Variants in RBFOX3 observed in about 807,000 individuals in gnomAD.
RBFOX3 encodes the protein RNA binding protein fox-1 homolog 3.
RBFOX3 carries 17 observed loss-of-function variants against 48.7 expected under a neutral mutation model. The observed-to-expected ratio is 0.35, with a 90% CI of 0.24 to 0.52. The LOEUF (loss-of-function observed/expected upper bound fraction) is 0.52, where lower values mean the gene tolerates loss of function less well. Among genes scored for constraint, RBFOX3 ranks in the 20% least tolerant of loss-of-function variants. The probability of loss-of-function intolerance (pLI) is 0.94; values close to 1 mark genes in which losing one functional copy is unlikely to be tolerated. For missense variants in RBFOX3, 382 were observed against 497.5 expected (o/e 0.77, Z 2.21); for synonymous variants, 212 against 209.5 (o/e 1.01, Z -0.10).
chr17:79,322,719 C>T (rs1186963565), intron 2 of RBFOX3, among the ~76,000 whole-genome samples: 1 of 152,144 alleles, frequency 6.6e-6, no homozygotes, highest in Non-Finnish European at 1.5e-5. Context: ...CTGGGAAGCC[C>T]CCTCTGGGCC....
chr17:79,094,520 T>C lies in RBFOX3; in HGVS notation c.1008A>G (p.Arg336=). The change falls in exon 14 of 15, where the codon AGA becomes AGG. Residue 336 remains arginine (R), a synonymous_variant. Transcript: ENST00000693108. ...GGTACGGGTCGGCAGCTGCGTAGACTCTGCCGTAACTAGGGAAGAGCGTGG... is the reference window on the plus strand; with the variant it reads ...GGTACGGGTCGGCAGCTGCGTAGACCCTGCCGTAACTAGGGAAGAGCGTGG... ...AAAAYSDSYG[R]VYAAADPYHH... 1 of 1,249,626 alleles carries C rather than the reference T, an allele frequency of 8.0e-7. No individual in the cohort carries two copies. Among genetic ancestry groups the C allele is most frequent in the Non-Finnish European group, 1.0e-6 (1 of 980,922 alleles). The allele number at this position is 1,249,626 out of a possible 1,614,324, so 77.4% of individuals were successfully genotyped here.
chr17:79,271,413 C>A (rs977771989), intron 3 of RBFOX3, among the ~76,000 whole-genome samples: 1 of 152,202 alleles, frequency 6.6e-6, no homozygotes, highest in Non-Finnish European at 1.5e-5. Context: ...GACAGCAGAG[C>A]ATTAAGCCAG....
At position 79,597,367 on chromosome 17, in the gene RBFOX3, T is replaced by C. The variant is rs1036009765; in HGVS notation, c.-320+13459A>G. 1.4e-3 allele frequency among the ~76,000 whole-genome samples: 213 copies of C among 152,288 alleles called. 2 individuals carry two copies. The highest frequency in any genetic ancestry group is 4.9e-3 in the African/African-American group (205 of 41,578). On this transcript the variant is annotated intron_variant, in intron 1 of 14. Coordinates refer to ENST00000693108, the MANE Select transcript of RBFOX3 (RefSeq NM_001350451.2). ...GATGGCAAGACAGACACAGTCCTCC[T>C]ACAGACTTGTAGAAGGGCTTTCTGC... is the stretch of plus-strand genomic sequence containing the variant.
At chr17:79,434,884 G>A (rs1897513077) in intron 2 of RBFOX3, among the ~76,000 whole-genome samples, 2 of 152,184 alleles carry the variant, frequency 1.3e-5, no homozygotes, top group South Asian at 2.1e-4. Context: ...GGACCCTGAA[G>A]AATGGGGTGA....
chr17:79,188,864 C>T (rs1023911654), intron 4 of RBFOX3, among the ~76,000 whole-genome samples: 1 of 152,230 alleles, frequency 6.6e-6, no homozygotes, highest in Non-Finnish European at 1.5e-5. Context: ...CTGGAAAGCT[C>T]GTTGCAAGCT....
chr17:79,545,523 G>A (rs1418852714), intron 1 of RBFOX3, among the ~76,000 whole-genome samples: 1 of 152,188 alleles, frequency 6.6e-6, no homozygotes, highest in Non-Finnish European at 1.5e-5. Flanking sequence ...GGGCCCAGAG[G>A]GAGCGGAGGT....
chr17:79,256,948 C>CA (rs10713719), intron 3 of RBFOX3, among the ~76,000 whole-genome samples: 92 of 131,844 alleles, frequency 7.0e-4, no homozygotes, highest in Middle Eastern at 7.0e-3. Flanking sequence ...CAAAACAAAA[C>CA]AAAAAAAAAA....
chr17:79,264,169 G>C lies in RBFOX3; in HGVS notation c.-73-28364C>G, dbSNP rs1023303456. Among the ~76,000 whole-genome samples, 60 of 151,086 alleles carry C rather than the reference G, an allele frequency of 4.0e-4. 1 individual carries two copies. Among genetic ancestry groups the C allele is most frequent in the Non-Finnish European group, 3.1e-4 (21 of 67,860 alleles). ...GTGCAGTGGTGCGATTTCAGCTCCC[G>C]GATTCAAGTGATTCTCATCCCTCGG... On this transcript the variant is annotated intron_variant, in intron 3 of 14. Coordinates refer to ENST00000693108, the MANE Select transcript of RBFOX3 (RefSeq NM_001350451.2).
At chr17:79,146,148 C>T (rs1018776459) in intron 4 of RBFOX3, among the ~76,000 whole-genome samples, 1 of 152,176 alleles carries the variant, frequency 6.6e-6, no homozygotes, top group Non-Finnish European at 1.5e-5. Context: ...AAGCTTCACT[C>T]CTCTGCCCGC....
rs564472779 is a variant in RBFOX3, at chr17:79,162,649, G to C, written c.-33-46901C>G. ...CGCAGTTAAATTAGTTAAATGGAGA[G>C]GAAGGAGCTGTGGAAAATTGACCCC... On this transcript the variant is annotated intron_variant, in intron 4 of 14. Coordinates refer to ENST00000693108, the MANE Select transcript of RBFOX3 (RefSeq NM_001350451.2). 2.6e-5 allele frequency among the ~76,000 whole-genome samples: 4 copies of C among 152,362 alleles called. 1 individual carries two copies. The South Asian group carries it at 8.3e-4, about 32-fold the overall frequency.
At chr17:79,135,581 T>C (rs1342741610) in intron 4 of RBFOX3, among the ~76,000 whole-genome samples, 1 of 152,134 alleles carries the variant, frequency 6.6e-6, no homozygotes, top group Non-Finnish European at 1.5e-5. Context: ...CCGACCTTCC[T>C]TCCAGGTGCT....
rs1423793802 is a variant in RBFOX3, at chr17:79,597,699, C to T, written c.-320+13127G>A. 3.3e-5 allele frequency among the ~76,000 whole-genome samples: 5 copies of T among 152,222 alleles called. No homozygotes were observed. In the South Asian group the frequency reaches 6.2e-4, roughly 19 times the overall value. On this transcript the variant is annotated intron_variant, in intron 1 of 14. Coordinates refer to ENST00000693108, the MANE Select transcript of RBFOX3 (RefSeq NM_001350451.2). ...CCACGGTCACCTACTAAGTACCCCC[C>T]ATAGGTAGGGGTTGGCTCCTGCCTT...
intron 2 of RBFOX3, among the ~76,000 whole-genome samples, chr17:79,389,942 A>AG (rs2061124472): frequency 6.6e-6 from 1 of 152,030 alleles, no homozygotes; most frequent in South Asian, 2.1e-4. Flanking sequence ...AACCAGAGCC[A>AG]GGTCTCCGCA....
chr17:79,410,758 C>T (rs942029985), intron 2 of RBFOX3, among the ~76,000 whole-genome samples: 26 of 152,170 alleles, frequency 1.7e-4, no homozygotes, highest in African/African-American at 5.1e-4. Flanking sequence ...CCAGGTCAGG[C>T]GGTGCCTCCT....
chr17:79,159,906 C>G (rs995888076), intron 4 of RBFOX3, among the ~76,000 whole-genome samples: 1 of 152,240 alleles, frequency 6.6e-6, no homozygotes, highest in Non-Finnish European at 1.5e-5. Context: ...AGCGAGGGTG[C>G]ATGCGTGTCC....
At position 79,295,194 on chromosome 17, in the gene RBFOX3, G is replaced by A. The variant is rs534160068; in HGVS notation, c.-74+12530C>T. ...CCAGTGGTTGGGGCCCATAAGCCACGCAGCACGCAGATGAAATCCGCCTCG... is the reference window on the plus strand; with the variant it reads ...CCAGTGGTTGGGGCCCATAAGCCACACAGCACGCAGATGAAATCCGCCTCG... On this transcript the variant is annotated intron_variant, in intron 3 of 14. Coordinates refer to ENST00000693108, the MANE Select transcript of RBFOX3 (RefSeq NM_001350451.2). 3.3e-5 allele frequency among the ~76,000 whole-genome samples: 5 copies of A among 152,308 alleles called. No homozygotes were observed. The East Asian group carries it at 7.7e-4, about 24-fold the overall frequency.
intron 3 of RBFOX3, among the ~76,000 whole-genome samples, chr17:79,307,120 G>A (rs1378877046): frequency 1.3e-5 from 2 of 152,236 alleles, no homozygotes; most frequent in Non-Finnish European, 2.9e-5. Context: ...AAAGGTTTCC[G>A]ACTCAGGCCT....
chr17:79,232,013 C>G (rs1600136718), intron 4 of RBFOX3, among the ~76,000 whole-genome samples: 1 of 152,310 alleles, frequency 6.6e-6, no homozygotes, highest in African/African-American at 2.4e-5. Flanking sequence ...CACAGGGCGG[C>G]AGGAGACAGA....
intron 2 of RBFOX3, among the ~76,000 whole-genome samples, chr17:79,453,615 A>G (rs1325220857): frequency 6.6e-6 from 1 of 152,142 alleles, no homozygotes; most frequent in Non-Finnish European, 1.5e-5. Flanking sequence ...AGTGTGCAGA[A>G]GAGTGGGTGC....
Sources: gnomAD v4.1 joint callset for allele counts (sites outside exome capture counted in the v4.1 genomes callset) on GRCh38, gnomAD v4.1.1 for gene constraint, MANE v1.5 for transcripts, NCBI Gene and HGNC (gene_info 2026-07-23, HGNC 2026-07-21) for gene names.